The following FHIT variants were observed in gnomAD, a reference collection of about 807,000 sequenced individuals.
FHIT encodes fragile histidine triad diadenosine triphosphatase, also known as bis(5'-adenosyl)-triphosphatase.
A neutral mutation model predicts 17.9 loss-of-function variants in FHIT; 19 were observed. That is an observed-to-expected ratio of 1.06 (90% CI 0.74 to 1.56). The LOEUF (loss-of-function observed/expected upper bound fraction) is 1.56. Ranked by LOEUF, FHIT falls within the 40% of genes most tolerant of loss-of-function variation. The pLI is 0.00. For synonymous variants in FHIT, 81 were observed against 69.7 expected (o/e 1.16, Z -0.81); for missense variants, 248 against 189.2 (o/e 1.31, Z -1.82).
chr3:60,146,260 A>AG (rs397706621), intron 5 of FHIT, among the ~76,000 whole-genome samples: 2 of 147,744 alleles, frequency 1.4e-5, no homozygotes, highest in South Asian at 2.2e-4. Flanking sequence ...AAAAAAAAAA[A>AG]GGGCAGGGGG....
intron 7 of FHIT, among the ~76,000 whole-genome samples, chr3:60,006,533 G>C (rs1226042611): frequency 1.3e-5 from 2 of 151,966 alleles, no homozygotes; most frequent in African/African-American, 2.4e-5. Context: ...GGGTGGACTG[G>C]TCAGATTCTA....
intron 5 of FHIT, among the ~76,000 whole-genome samples, chr3:60,048,229 T>A (rs1255132995): frequency 6.6e-6 from 1 of 152,194 alleles, no homozygotes; most frequent in East Asian, 1.9e-4. Flanking sequence ...CAGGCTGGAG[T>A]GCAGTGGCGT....
At chr3:60,962,255 C>T (rs1709492184) in intron 3 of FHIT, among the ~76,000 whole-genome samples, 3 of 152,230 alleles carry the variant, frequency 2.0e-5, no homozygotes, top group Admixed American at 6.5e-5. Context: ...TATAAGAATG[C>T]TTGTGATTTT....
chr3:60,004,599 C>T (rs1039188043), intron 7 of FHIT, among the ~76,000 whole-genome samples: 1 of 152,012 alleles, frequency 6.6e-6, no homozygotes, highest in African/African-American at 2.4e-5. Context: ...TTTACAAAAC[C>T]TGTGCTTGAG....
chr3:60,216,522 A>C (rs572263669), intron 5 of FHIT, among the ~76,000 whole-genome samples: 28 of 152,290 alleles, frequency 1.8e-4, no homozygotes, highest in African/African-American at 6.7e-4. Flanking sequence ...CAAATATATT[A>C]AAGTTATAGG....
intron 3 of FHIT, among the ~76,000 whole-genome samples, chr3:60,897,818 T>C (rs1553762260): frequency 1.3e-5 from 2 of 152,144 alleles, no homozygotes; most frequent in African/African-American, 4.8e-5. Flanking sequence ...TACTCACTCA[T>C]CATAACCATA....
intron 3 of FHIT, among the ~76,000 whole-genome samples, chr3:60,928,887 C>G (rs1559839332): frequency 6.6e-6 from 1 of 152,174 alleles, no homozygotes; most frequent in African/African-American, 2.4e-5. Context: ...CATCCTGATA[C>G]CAAAGCCTGG....
intron 3 of FHIT, among the ~76,000 whole-genome samples, chr3:60,893,983 T>C (rs1261530712): frequency 6.6e-6 from 1 of 152,218 alleles, no homozygotes; most frequent in Non-Finnish European, 1.5e-5. Context: ...AGGTTCACTG[T>C]TGTCAGAATG....
At chr3:61,229,258 C>G (rs542590672) in intron 1 of FHIT, among the ~76,000 whole-genome samples, 1 of 152,064 alleles carries the variant, frequency 6.6e-6, no homozygotes. Context: ...TGCAGACAGA[C>G]AGAAAAGAAG....
At chr3:60,919,957 C>T (rs1378456631) in intron 3 of FHIT, among the ~76,000 whole-genome samples, 5 of 151,464 alleles carry the variant, frequency 3.3e-5, no homozygotes, top group African/African-American at 1.2e-4. Context: ...TCGCTTGAAC[C>T]AGGGAGACAG....
chr3:60,804,846 G>A (rs746247107), intron 4 of FHIT, among the ~76,000 whole-genome samples: 2 of 152,094 alleles, frequency 1.3e-5, no homozygotes, highest in East Asian at 1.9e-4. Flanking sequence ...CACCTCCTCC[G>A]AGGAGACTTC....
intron 5 of FHIT, among the ~76,000 whole-genome samples, chr3:60,113,182 T>G (rs1178983703): frequency 6.6e-6 from 1 of 152,180 alleles, no homozygotes; most frequent in African/African-American, 2.4e-5. Context: ...TGCCTGCTCC[T>G]TATCTCCTTT....
At chr3:59,964,160 T>C (rs1707815960) in intron 7 of FHIT, among the ~76,000 whole-genome samples, 1 of 152,218 alleles carries the variant, frequency 6.6e-6, no homozygotes. Context: ...TTTTGGTTAA[T>C]GTCTCTATAA....
intron 7 of FHIT, among the ~76,000 whole-genome samples, chr3:59,976,425 C>T (rs1708414399): frequency 6.6e-6 from 1 of 151,914 alleles, no homozygotes; most frequent in African/African-American, 2.4e-5. Context: ...AAACAAATAA[C>T]ACCTCAAATA....
At chr3:59,849,705 C>T (rs567496792) in intron 8 of FHIT, among the ~76,000 whole-genome samples, 9 of 152,242 alleles carry the variant, frequency 5.9e-5, no homozygotes, top group East Asian at 5.8e-4. Flanking sequence ...CAATTAATGA[C>T]GAACTATCTA....
intron 4 of FHIT, among the ~76,000 whole-genome samples, chr3:60,745,478 A>T (rs2042337648): frequency 6.6e-6 from 1 of 152,170 alleles, no homozygotes; most frequent in Admixed American, 6.5e-5. Context: ...AGCAACATAA[A>T]GCTATTTAAA....
intron 7 of FHIT, among the ~76,000 whole-genome samples, chr3:60,010,780 C>T (rs1419495719): frequency 6.6e-6 from 1 of 152,116 alleles, no homozygotes. Context: ...CTTCTCCTAG[C>T]ACACTTAAAA....
intron 5 of FHIT, among the ~76,000 whole-genome samples, chr3:60,095,744 CA>C (rs1703920958): frequency 6.6e-6 from 1 of 152,140 alleles, no homozygotes; most frequent in Non-Finnish European, 1.5e-5. Context: ...TGAGAAAAGG[CA>C]AAACAACAGC....
intron 1 of FHIT, among the ~76,000 whole-genome samples, chr3:61,248,919 G>A (rs2040548041): frequency 6.6e-6 from 1 of 152,166 alleles, no homozygotes; most frequent in Non-Finnish European, 1.5e-5. Context: ...TATAAAATAA[G>A]AGTTAGATTA....
Sources: gnomAD v4.1 joint callset for allele counts (sites outside exome capture counted in the v4.1 genomes callset) on GRCh38, gnomAD v4.1.1 for gene constraint, MANE v1.5 for transcripts, NCBI Gene and HGNC (gene_info 2026-07-23, HGNC 2026-07-21) for gene names.